Variants in CATSPERB observed in about 807,000 individuals in gnomAD.
CATSPERB encodes cation channel sperm-associated auxiliary subunit beta.
A neutral mutation model predicts 128.3 loss-of-function variants in CATSPERB; 93 were observed. The ratio of observed to expected loss-of-function variants is 0.72; its 90% CI spans 0.61 to 0.86. CATSPERB has a LOEUF of 0.86. CATSPERB is among the 40% of genes least tolerant of loss of function. The probability of loss-of-function intolerance (pLI) is 0.00; values close to 1 mark genes in which losing one functional copy is unlikely to be tolerated. For synonymous variants in CATSPERB, 381 were observed against 448.8 expected, an observed-to-expected ratio of 0.85 and a Z score of 1.91; for missense variants, 1,153 against 1,329.5, an observed-to-expected ratio of 0.87 and a Z score of 2.06.
At chr14:91,708,017 T>C in intron 6 of CATSPERB, 124 bp downstream of exon 6, 1 of 680,294 alleles carries the variant, frequency 1.5e-6, no homozygotes, top group South Asian at 1.7e-5. Flanking sequence ...GTCATGATTA[T>C]CTCCTATTTA....
At chr14:91,692,175 C>CAAAA (rs748422210) in intron 9 of CATSPERB, among the ~76,000 whole-genome samples, 3 of 55,396 alleles carry the variant, frequency 5.4e-5, no homozygotes, top group Non-Finnish European at 7.4e-5. Flanking sequence ...GACTCAGTCT[C>CAAAA]AAAAAAAAAA....
chr14:91,586,613 T>A lies in CATSPERB; in HGVS notation c.3132+589A>T, dbSNP rs148281222. 6.5e-3 allele frequency among the ~76,000 whole-genome samples: 932 copies of A among 143,542 alleles called. 13 individuals carry two copies. Among genetic ancestry groups the A allele is most frequent in the African/African-American group, 0.023 (883 of 38,134 alleles). The allele number at this position is 143,542 out of a possible 152,430, so 94.2% of individuals were successfully genotyped here. On this transcript the variant is annotated intron_variant, in intron 26 of 26. Coordinates refer to ENST00000256343, the MANE Select transcript of CATSPERB (RefSeq NM_024764.4). ...AGAGAGACAGAATGTTAATGTAACATCAGCATTTGACAATGACTCATTAAT... is the reference window on the plus strand; with the variant it reads ...AGAGAGACAGAATGTTAATGTAACAACAGCATTTGACAATGACTCATTAAT...
chr14:91,652,670 C>CAAAAAAAAAAAAA (rs58608847), intron 15 of CATSPERB, among the ~76,000 whole-genome samples: 1 of 69,166 alleles, frequency 1.4e-5, no homozygotes, highest in Non-Finnish European at 2.5e-5. Flanking sequence ...GACTCTGTCT[C>CAAAAAAAAAAAAA]AAAAAAAAAA....
At chr14:91,614,077 C>T (rs1893889176) in intron 20 of CATSPERB, among the ~76,000 whole-genome samples, 1 of 152,212 alleles carries the variant, frequency 6.6e-6, no homozygotes, top group South Asian at 2.1e-4. Flanking sequence ...TGCCGCACGT[C>T]TCTTGGCTGA....
chr14:91,590,254 A>G (rs1166403716), intron 23 of CATSPERB, among the ~76,000 whole-genome samples: 1 of 152,182 alleles, frequency 6.6e-6, no homozygotes, highest in Non-Finnish European at 1.5e-5. Flanking sequence ...TGCTGGCTAG[A>G]CACAATGGCT....
chr14:91,604,511 G>C, intron 22 of CATSPERB: 1 of 1,603,098 alleles, frequency 6.2e-7, no homozygotes, highest in Non-Finnish European at 8.5e-7. Context: ...GCCTTCCCCA[G>C]CAGCTTCCAA....
intron 5 of CATSPERB, among the ~76,000 whole-genome samples, chr14:91,713,735 C>G (rs928523638): frequency 3.3e-5 from 5 of 152,106 alleles, no homozygotes; most frequent in Admixed American, 6.5e-5. Flanking sequence ...GTTAATCTCA[C>G]CAAACATTTA....
chr14:91,610,360 T>G (rs1175590205), intron 21 of CATSPERB, 120 bp downstream of exon 21: 1 of 696,286 alleles, frequency 1.4e-6, no homozygotes, highest in Non-Finnish European at 2.4e-6. Flanking sequence ...GATTAAAAAA[T>G]AACTGTGAAG....
In CATSPERB at chr14:91,719,492, G is replaced by A; in HGVS notation, c.310-14C>T. The A allele has an allele frequency of 4.4e-6, 7 of 1,601,404 alleles. No individual in the cohort carries two copies. Among genetic ancestry groups the A allele is most frequent in the Non-Finnish European group, 5.1e-6 (6 of 1,171,238 alleles). ...CCGATCACTGAACTTGAATAAAGAAGACATCAGAAAACAATGTTTTACAAC... is the reference window on the plus strand; with the variant it reads ...CCGATCACTGAACTTGAATAAAGAAAACATCAGAAAACAATGTTTTACAAC... On this transcript the variant is annotated splice_polypyrimidine_tract_variant and intron_variant, in intron 4 of 26. Coordinates refer to ENST00000256343, the MANE Select transcript of CATSPERB (RefSeq NM_024764.4).
chr14:91,633,304 C>T (rs1198453759), intron 17 of CATSPERB, among the ~76,000 whole-genome samples: 4 of 152,012 alleles, frequency 2.6e-5, no homozygotes, highest in African/African-American at 4.8e-5. Context: ...AAAATATTTA[C>T]TGAAATTGAC....
In CATSPERB at chr14:91,608,289, T is replaced by C; in HGVS notation, c.2709+5A>G. Reference sequence around the variant, plus strand: ...TGCTAGATTATTTGTAAAAAAGTTATTTACCTTTGACATGTGAAACATGTT... The same window carrying C: ...TGCTAGATTATTTGTAAAAAAGTTACTTACCTTTGACATGTGAAACATGTT... On this transcript the variant is annotated splice_donor_5th_base_variant and intron_variant, in intron 22 of 26. Transcript: ENST00000256343. 3 of 1,561,458 alleles carry C rather than the reference T, an allele frequency of 1.9e-6. No individual in the cohort carries two copies. The highest frequency in any genetic ancestry group is 2.6e-6 in the Non-Finnish European group (3 of 1,135,952).
chr14:91,657,631 A>C (rs895311217), intron 15 of CATSPERB, among the ~76,000 whole-genome samples: 2 of 152,148 alleles, frequency 1.3e-5, no homozygotes, highest in Admixed American at 1.3e-4. Flanking sequence ...CTGACAAGGA[A>C]TTAATAACTA....
intron 26 of CATSPERB, among the ~76,000 whole-genome samples, chr14:91,582,495 G>C (rs192947385): frequency 3.5e-3 from 533 of 152,362 alleles, no homozygotes; most frequent in Non-Finnish European, 6.0e-3. Context: ...GCTGAAGGCA[G>C]TCCCAGGTAA....
intron 13 of CATSPERB, among the ~76,000 whole-genome samples, chr14:91,671,950 G>A (rs1895099240): frequency 6.6e-6 from 1 of 151,788 alleles, no homozygotes; most frequent in Non-Finnish European, 1.5e-5. Flanking sequence ...AACCCGGGAG[G>A]CGGAGCTTGC....
chr14:91,676,754 C>T (rs921633327), intron 11 of CATSPERB, among the ~76,000 whole-genome samples: 7 of 151,998 alleles, frequency 4.6e-5, no homozygotes, highest in Admixed American at 1.3e-4. Context: ...AAAAAGAGCC[C>T]GTATAGCCAA....
intron 12 of CATSPERB, 148 bp from the exon 13 acceptor site, chr14:91,673,164 AC>A: frequency 1.5e-6 from 1 of 687,356 alleles, no homozygotes; most frequent in Non-Finnish European, 2.3e-6. Context: ...TGGTCTTAAA[AC>A]CCACTGGTCT....
rs375032603 is a variant in CATSPERB, at chr14:91,599,498, G to T, written c.2710-7496C>A. On this transcript the variant is annotated intron_variant, in intron 22 of 26. Coordinates refer to ENST00000256343, the MANE Select transcript of CATSPERB (RefSeq NM_024764.4). ...GGCGTGAACCTGGGAAGCGGAGCTTGCAGTGAGCTGAGATTGTGCCACTGC... is the reference window on the plus strand; with the variant it reads ...GGCGTGAACCTGGGAAGCGGAGCTTTCAGTGAGCTGAGATTGTGCCACTGC... 1.3e-3 allele frequency among the ~76,000 whole-genome samples: 185 copies of T among 147,602 alleles called. 1 individual carries two copies. The highest frequency in any genetic ancestry group is 3.7e-3 in the African/African-American group (147 of 40,114).
At chr14:91,711,705 G>A (rs1895842803) in intron 5 of CATSPERB, among the ~76,000 whole-genome samples, 1 of 152,126 alleles carries the variant, frequency 6.6e-6, no homozygotes, top group African/African-American at 2.4e-5. Flanking sequence ...GAAATAAAGA[G>A]GGACAATACA....
At chr14:91,724,139 C>A (rs991567298) in intron 3 of CATSPERB, among the ~76,000 whole-genome samples, 1 of 152,110 alleles carries the variant, frequency 6.6e-6, no homozygotes, top group Non-Finnish European at 1.5e-5. Context: ...TTAGCTATCA[C>A]TTCTAATACT....
Sources: allele counts gnomAD v4.1 joint callset (sites outside exome capture counted in the v4.1 genomes callset), GRCh38; gene constraint gnomAD v4.1.1; transcripts MANE v1.5; gene names NCBI Gene and HGNC (gene_info 2026-07-23, HGNC 2026-07-21).